The following POTEF variants were observed in gnomAD, a reference collection of about 807,000 sequenced individuals.
The protein encoded by POTEF is ANKRD26-like family C member 1B.
Under a neutral mutation model 83.2 loss-of-function variants are expected in POTEF, and 20 were observed. That is an observed-to-expected ratio of 0.24 (90% CI 0.17 to 0.35). POTEF has a LOEUF of 0.35. POTEF is among the 10% of genes least tolerant of loss of function. The probability of loss-of-function intolerance (pLI) is 1.00; values close to 1 mark genes in which losing one functional copy is unlikely to be tolerated. For synonymous variants in POTEF, 196 were observed against 446.4 expected (o/e 0.44, Z 7.07); for missense variants, 550 against 1,203.2 (o/e 0.46, Z 8.03).
At chr2:130,118,211 G>T (rs1388991704) in intron 3 of POTEF, among the ~76,000 whole-genome samples, 12 of 151,804 alleles carry the variant, frequency 7.9e-5, no homozygotes, top group Non-Finnish European at 1.8e-4. Flanking sequence ...AAGTGCTGGG[G>T]TAACAGGCGT....
chr2:130,075,482 T>A lies in POTEF; in HGVS notation c.1990A>T (p.Thr664Ser). The change falls in exon 17 of 17, where the codon ACA (threonine) becomes TCA (serine). Residue 664 changes from threonine to serine, a missense_variant. Physicochemically the swap from Thr to Ser is moderately conservative, Grantham distance 58. Transcript: ENST00000409914. ...EIAMLRLELD[T>S]MKHQSQLREK... ...CTTAGCTGGCTCTGATGTTTCATTG[T>A]GTCTAGCTCCAGTCTTAGCATGGCA... is the stretch of plus-strand genomic sequence containing the variant. 6.2e-7 allele frequency: 1 copy of A among 1,611,414 alleles called. No homozygotes were observed. Among genetic ancestry groups the A allele is most frequent in the South Asian group, 1.1e-5 (1 of 90,960 alleles).
At chr2:130,097,030 G>GAGCA (rs1394205638) in intron 11 of POTEF, among the ~76,000 whole-genome samples, 1 of 142,804 alleles carries the variant, frequency 7.0e-6, no homozygotes, top group African/African-American at 2.7e-5. Flanking sequence ...AGATGAGGAG[G>GAGCA]AGCAAGCAAA....
Position 130,075,543 on chromosome 2 carries a change from G to A in POTEF, c.1929C>T (p.Asp643=), listed in dbSNP as rs754374914. 2.0e-5 allele frequency: 32 copies of A among 1,610,610 alleles called. 1 individual carries two copies. In the Middle Eastern group the frequency reaches 6.8e-4, roughly 34 times the overall value. ...ELSLSCKKEK[D]ILHENSTLRE... ...GCAACGTACTATTTTCATGCAAGAT[G>A]TCTTTTTCTTTCTTACAACTAAGAG... The change falls in exon 17 of 17, where the codon GAC becomes GAT. Residue 643 remains aspartate (D), a synonymous_variant. Transcript: ENST00000409914.
chr2:130,116,538 G>C (rs529047894), intron 3 of POTEF, among the ~76,000 whole-genome samples: 14 of 143,710 alleles, frequency 9.7e-5, no homozygotes, highest in African/African-American at 3.0e-4. Context: ...AGTGTGTGTT[G>C]CTTCCCTCTA....
rs751923686 is a variant in POTEF at position 130,075,088 on chromosome 2, C to T, written c.2384G>A (p.Arg795His). 25 of 1,613,640 alleles carry T rather than the reference C, an allele frequency of 1.5e-5. No homozygotes were observed. The highest frequency in any genetic ancestry group is 1.4e-4 in the South Asian group (13 of 91,078). Residue 795 changes from arginine (R) to histidine (H), a missense_variant, in exon 17 of 17, where the codon CGT becomes CAT. Arg to His is a conservative substitution (Grantham distance 29). Transcript: ENST00000409914. ...IWHHTFYNEL[R>H]VAPEEHPVLL... Reference sequence around the variant, plus strand: ...GACGGGGTGCTCCTCGGGAGCCACACGCAGCTCGTTGTAGAAGGTGTGGTG... The same window carrying T: ...GACGGGGTGCTCCTCGGGAGCCACATGCAGCTCGTTGTAGAAGGTGTGGTG...
At position 130,075,395 on chromosome 2, in the gene POTEF, C is replaced by G; in HGVS notation, c.2077G>C (p.Ala693Pro). 1.2e-6 allele frequency: 2 copies of G among 1,611,768 alleles called. No homozygotes were observed. The highest frequency in any genetic ancestry group is 1.7e-6 in the Non-Finnish European group (2 of 1,179,740). Reference protein sequence around the residue: ...VKKRNDNLLKALQLNELTMDD... With the variant: ...VKKRNDNLLKPLQLNELTMDD... ...ATGGTGAGCTCATTCAATTGTAGAGCCTTTAAAAGATTATCATTCCTTTTT... is the reference window on the plus strand; with the variant it reads ...ATGGTGAGCTCATTCAATTGTAGAGGCTTTAAAAGATTATCATTCCTTTTT... The change falls in exon 17 of 17, where the codon GCT becomes CCT. Residue 693 changes from alanine (A) to proline (P), a missense_variant. By Grantham distance (27) the Ala-to-Pro change is conservative. Transcript: ENST00000409914.
chr2:130,105,505 A>G (rs1457551470), intron 8 of POTEF, among the ~76,000 whole-genome samples: 2 of 151,740 alleles, frequency 1.3e-5, no homozygotes, highest in Admixed American at 6.6e-5. Context: ...CCAGCAAACT[A>G]TAGGCCACAG....
intron 8 of POTEF, among the ~76,000 whole-genome samples, chr2:130,105,046 G>A (rs1362435398): frequency 1.3e-5 from 2 of 149,330 alleles, no homozygotes; most frequent in South Asian, 2.2e-4. Flanking sequence ...TCACATCCAG[G>A]TTAAATACTA....
chr2:130,120,741 G>A (rs1184095211), intron 2 of POTEF, 133 bp from the exon 3 acceptor site: 8 of 780,094 alleles, frequency 1.0e-5, no homozygotes, highest in Middle Eastern at 3.9e-4. Context: ...GCGACCCCAC[G>A]CCCACCCCAG....
intron 1 of POTEF, among the ~76,000 whole-genome samples, chr2:130,128,550 C>G (rs949595512): frequency 5.6e-4 from 14 of 24,784 alleles, no homozygotes; most frequent in African/African-American, 1.7e-3. Context: ...ACCCCAATAC[C>G]CCCCCCAACC....
rs1388305889 is a variant in POTEF at position 130,108,320 on chromosome 2, G to A, written c.1056-241C>T. Among the ~76,000 whole-genome samples the A allele has an allele frequency of 1.3e-5, 2 of 151,610 alleles. 1 individual carries two copies. The highest frequency in any genetic ancestry group is 4.9e-5 in the African/African-American group (2 of 40,866). ...GCACTGTGACCCAGTAAATTAGCTAGCATTAGCATGACATAATAGAAAGTG... is the reference window on the plus strand; with the variant it reads ...GCACTGTGACCCAGTAAATTAGCTAACATTAGCATGACATAATAGAAAGTG... On this transcript the variant is annotated intron_variant, in intron 7 of 16. Transcript: ENST00000409914.
chr2:130,083,245 G>A (rs1164401799), intron 15 of POTEF, among the ~76,000 whole-genome samples: 74 of 151,328 alleles, frequency 4.9e-4, no homozygotes, highest in Non-Finnish European at 8.8e-4. Flanking sequence ...TGAGGCAGGA[G>A]AAGTGCTGGA....
chr2:130,087,628 TAA>T (rs376116433), intron 13 of POTEF, among the ~76,000 whole-genome samples: 1 of 108,362 alleles, frequency 9.2e-6, no homozygotes, highest in Non-Finnish European at 1.8e-5. Flanking sequence ...AAGAATCTAT[TAA>T]AATTTTTTTT....
chr2:130,084,066 T>C (rs1345144756), intron 15 of POTEF, among the ~76,000 whole-genome samples: 2 of 120,366 alleles, frequency 1.7e-5, no homozygotes, highest in Non-Finnish European at 3.4e-5. Context: ...ACTCATCAAA[T>C]ATACGAAGTA....
chr2:130,105,213 TTTTA>T, intron 8 of POTEF, among the ~76,000 whole-genome samples: 1 of 150,418 alleles, frequency 6.6e-6, no homozygotes, highest in Middle Eastern at 3.4e-3. Flanking sequence ...ACAAAATGGC[TTTTA>T]TTTAAAAAAA....
chr2:130,077,532 C>G (rs1018706500), intron 15 of POTEF, among the ~76,000 whole-genome samples: 3 of 135,662 alleles, frequency 2.2e-5, no homozygotes, highest in Admixed American at 7.7e-5. Context: ...TCAGTGGGAG[C>G]CCTGAGCTTG....
chr2:130,085,827 C>CA lies in POTEF; in HGVS notation c.1764dup (p.Glu589Ter). ...CCATAGGCTTACCTGTGATACTCTT[C>CA]ATTCTCAGTGTCAGGAAATTGCTGG... On this transcript the variant is annotated frameshift_variant, in exon 15 of 17. Transcript: ENST00000409914. LOFTEE classifies it high-confidence loss of function. 1.2e-6 allele frequency: 1 copy of CA among 858,640 alleles called. No homozygotes were observed. Among genetic ancestry groups the CA allele is most frequent in the Non-Finnish European group, 1.6e-6 (1 of 638,552 alleles). The allele number at this position is 858,640 out of a possible 1,614,324, so 53.2% of individuals were successfully genotyped here.
At chr2:130,114,484 C>T (rs1303850757) in intron 5 of POTEF, among the ~76,000 whole-genome samples, 4 of 145,688 alleles carry the variant, frequency 2.7e-5, no homozygotes, top group African/African-American at 1.0e-4. Context: ...AGGAACTTGC[C>T]AAAGGAGCAG....
chr2:130,095,000 A>C (rs116278786), intron 11 of POTEF, among the ~76,000 whole-genome samples: 1 of 151,160 alleles, frequency 6.6e-6, no homozygotes, highest in Non-Finnish European at 1.5e-5. Flanking sequence ...ACCAGGCAAA[A>C]CTGTTAGGAA....
Sources: allele counts gnomAD v4.1 joint callset (sites outside exome capture counted in the v4.1 genomes callset), GRCh38; gene constraint gnomAD v4.1.1; transcripts MANE v1.5; gene names NCBI Gene and HGNC (gene_info 2026-07-23, HGNC 2026-07-21).